Variants in CTCFL observed in about 807,000 individuals in gnomAD.
CTCFL encodes the protein CCCTC-binding factor like, also known as transcriptional repressor CTCFL.
In CTCFL, 36 loss-of-function variants were observed where a neutral mutation model predicts 67.4. The ratio of observed to expected loss-of-function variants is 0.53; its 90% CI spans 0.41 to 0.71. CTCFL has a LOEUF of 0.71. CTCFL is among the 30% of genes least tolerant of loss of function. The probability of loss-of-function intolerance (pLI) is 0.00; values close to 1 mark genes in which losing one functional copy is unlikely to be tolerated. For missense variants in CTCFL, 786 were observed against 835.2 expected, an observed-to-expected ratio of 0.94 and a Z score of 0.73; for synonymous variants, 324 against 302.3, an observed-to-expected ratio of 1.07 and a Z score of -0.75.
intron 10 of CTCFL, among the ~76,000 whole-genome samples, chr20:57,499,272 C>T (rs974044785): frequency 6.6e-5 from 10 of 152,170 alleles, no homozygotes; most frequent in African/African-American, 2.4e-4. Context: ...GGACATTTGT[C>T]CCTTTGGCCA....
intron 3 of CTCFL, 135 bp downstream of exon 3, chr20:57,522,933 T>C: frequency 1.4e-6 from 1 of 697,226 alleles, no homozygotes; most frequent in Non-Finnish European, 2.4e-6. Flanking sequence ...GAACATTAGT[T>C]TAAAATTTCT....
intron 10 of CTCFL, among the ~76,000 whole-genome samples, chr20:57,502,510 T>C (rs192257690): frequency 7.9e-5 from 12 of 152,212 alleles, no homozygotes; most frequent in African/African-American, 2.4e-4. Flanking sequence ...TGTGGGAACA[T>C]TCGCAATGCA....
intron 8 of CTCFL, among the ~76,000 whole-genome samples, chr20:57,510,548 T>A (rs1373706696): frequency 6.6e-6 from 1 of 152,252 alleles, no homozygotes; most frequent in Non-Finnish European, 1.5e-5. Flanking sequence ...TATTTTTATT[T>A]GCTAAGTCTG....
At position 57,498,405 on chromosome 20, in the gene CTCFL, G is replaced by T; in HGVS notation, c.*145C>A. 1 of 1,425,438 alleles carries T rather than the reference G, an allele frequency of 7.0e-7. No individual in the cohort carries two copies. The highest frequency in any genetic ancestry group is 9.2e-7 in the Non-Finnish European group (1 of 1,085,744). 88.3% of individuals were successfully genotyped at this position (1,425,438 alleles called of 1,614,324 possible). On this transcript the variant is annotated 3_prime_UTR_variant, in exon 11 of 11. Transcript: ENST00000243914. The stretch of plus-strand genomic sequence containing the variant: ...AGAAAATGCTAAAAATTTCTAACTT[G>T]CTTTAGGAATTAGGGGCAGTGAACA...
rs143994984 is a variant in CTCFL at position 57,506,599 on chromosome 20, G to C, written c.1674+2007C>G. The C allele has an allele frequency of 4.3e-3, 756 of 177,050 alleles. 9 individuals carry two copies. The highest frequency in any genetic ancestry group is 0.017 in the African/African-American group (712 of 41,996). 11.0% of individuals were successfully genotyped at this position (177,050 alleles called of 1,614,324 possible). A position where few individuals can be genotyped will look rare whatever the true frequency, so the allele number is the denominator to read the frequency against. On this transcript the variant is annotated intron_variant, in intron 9 of 10. Transcript: ENST00000243914. ...TTACAGGTGTGAACCACCGCGCCTG[G>C]CCTAGATACTTTACCTGTTTTTCAT...
At chr20:57,520,726 G>A (rs950514121) in intron 3 of CTCFL, among the ~76,000 whole-genome samples, 10 of 152,102 alleles carry the variant, frequency 6.6e-5, no homozygotes, top group Admixed American at 2.0e-4. Flanking sequence ...ATCCAACACC[G>A]TTTTCTTGAT....
chr20:57,512,999 C>T (rs748197597), intron 7 of CTCFL, among the ~76,000 whole-genome samples: 6 of 152,106 alleles, frequency 3.9e-5, no homozygotes, highest in Non-Finnish European at 7.4e-5. Flanking sequence ...TAGATATCAC[C>T]GCCTGTCTTC....
At position 57,497,847 on chromosome 20, in the gene CTCFL, A is replaced by T; in HGVS notation, c.*703T>A. ...CTGCCAAGGAGCATAATTAAAAGAG[A>T]ATACAAAAATCTAAAGGTGAACCTT... On this transcript the variant is annotated 3_prime_UTR_variant, in exon 11 of 11. Transcript: ENST00000243914. 2 of 985,090 alleles carry T rather than the reference A, an allele frequency of 2.0e-6. No homozygotes were observed. Among genetic ancestry groups the T allele is most frequent in the Non-Finnish European group, 2.4e-6 (2 of 829,602 alleles). The allele number at this position is 985,090 out of a possible 1,614,324, so 61.0% of individuals were successfully genotyped here.
At chr20:57,516,076 G>C (rs1164685900) in intron 5 of CTCFL, among the ~76,000 whole-genome samples, 2 of 152,188 alleles carry the variant, frequency 1.3e-5, no homozygotes, top group Non-Finnish European at 2.9e-5. Context: ...CAGCAGTTCT[G>C]AGAGACTTTC....
chr20:57,523,336 TG>T, intron 2 of CTCFL, 58 bp from the exon 3 acceptor site: 2 of 1,486,834 alleles, frequency 1.3e-6, no homozygotes, highest in Non-Finnish European at 1.8e-6. Context: ...ATTAGACTTT[TG>T]CCTGGATGAA....
At chr20:57,511,204 A>G (rs975052197) in intron 8 of CTCFL, among the ~76,000 whole-genome samples, 1 of 151,926 alleles carries the variant, frequency 6.6e-6, no homozygotes, top group Non-Finnish European at 1.5e-5. Flanking sequence ...ACCCACAGCT[A>G]ATTTTTGTAT....
intron 10 of CTCFL, among the ~76,000 whole-genome samples, 172 bp downstream of exon 10, chr20:57,503,264 C>G (rs537461813): frequency 1.1e-4 from 17 of 152,350 alleles, no homozygotes; most frequent in African/African-American, 4.1e-4. Context: ...GACTTTCTCA[C>G]GCTATGCTCA....
rs757168588 is a variant in CTCFL at position 57,514,610 on chromosome 20, C to T, written c.1312G>A (p.Ala438Thr). The T allele has an allele frequency of 2.2e-5, 36 of 1,614,102 alleles. No individual in the cohort carries two copies. The highest frequency in any genetic ancestry group is 2.0e-4 in the South Asian group (18 of 91,064). ...CACTCACGTAGGTCGCTTTTCCGTG[C>T]AATGATGGTGGCACAATGGGGACAC... ...YQCPHCATII[A>T]RKSDLRVHMR... The change falls in exon 7 of 11, where the codon GCA (alanine) becomes ACA (threonine). Residue 438 changes from alanine to threonine, a missense_variant. This residue lies in a region of CTCFL where 254 missense variants were observed against 333.9 expected (regional missense o/e 0.76). Transcript: ENST00000243914.
At chr20:57,514,940 A>G (rs2068809245) in intron 6 of CTCFL, 199 bp from the exon 7 acceptor site, 2 of 586,954 alleles carry the variant, frequency 3.4e-6, no homozygotes, top group South Asian at 2.3e-5. Flanking sequence ...ATGATGGACC[A>G]GAGACATGAC....
intron 1 of CTCFL, chr20:57,524,432 A>T: frequency 7.2e-7 from 1 of 1,392,616 alleles, no homozygotes; most frequent in South Asian, 1.6e-5. Flanking sequence ...AGGATTTTGT[A>T]CAAAACCCTA....
In CTCFL at chr20:57,523,097, T is replaced by C. The variant is rs1257167481; in HGVS notation, c.725A>G (p.Lys242Arg). 1 of 1,613,880 alleles carries C rather than the reference T, an allele frequency of 6.2e-7. No individual in the cohort carries two copies. Among genetic ancestry groups the C allele is most frequent in the South Asian group, 1.1e-5 (1 of 91,052 alleles). Residue 242 changes from lysine to arginine, a missense_variant, in exon 3 of 11, where the codon AAA becomes AGA. Transcript: ENST00000243914. Reference protein sequence around the residue: ...TAGQADAEKAKSTKNQRKTKG... With the variant: ...TAGQADAEKARSTKNQRKTKG... ...TGTCTTTCTTTGATTTTTTGTAGAT[T>C]TGGCCTTTTCAGCATCTGCTTGACC...
At chr20:57,524,377 T>G in intron 1 of CTCFL, 161 bp from the exon 2 acceptor site, 1 of 1,448,750 alleles carries the variant, frequency 6.9e-7, no homozygotes, top group Non-Finnish European at 9.0e-7. Flanking sequence ...TGATCTGGCT[T>G]GGGTCTAGGA....
intron 10 of CTCFL, among the ~76,000 whole-genome samples, chr20:57,502,667 T>C (rs2067981348): frequency 6.6e-6 from 1 of 152,094 alleles, no homozygotes; most frequent in Non-Finnish European, 1.5e-5. Flanking sequence ...AGGTGTCAGG[T>C]TGGCCCCTCT....
At chr20:57,506,820 A>AT in intron 9 of CTCFL, 3 of 985,178 alleles carry the variant, frequency 3.0e-6, no homozygotes, top group Non-Finnish European at 3.6e-6. Flanking sequence ...CTACTCGTTA[A>AT]TTTTAACTCT....
Sources: allele counts gnomAD v4.1 joint callset (sites outside exome capture counted in the v4.1 genomes callset), GRCh38; gene constraint gnomAD v4.1.1; regional missense constraint gnomAD v4.1.1; transcripts MANE v1.5; gene names NCBI Gene and HGNC (gene_info 2026-07-23, HGNC 2026-07-21).